The following PDZD2 variants were observed in gnomAD, a reference collection of about 807,000 sequenced individuals.
The protein encoded by PDZD2 is PDZ domain-containing protein 2.
PDZD2 carries 90 observed loss-of-function variants against 220.7 expected under a neutral mutation model. That is an observed-to-expected ratio of 0.41 (90% CI 0.34 to 0.49). The LOEUF (loss-of-function observed/expected upper bound fraction) is 0.49. PDZD2 is among the 20% of genes least tolerant of loss of function. The probability of loss-of-function intolerance (pLI) is 0.28; values close to 1 mark genes in which losing one functional copy is unlikely to be tolerated. For missense variants in PDZD2, 3,174 were observed against 3,608.5 expected (o/e 0.88, Z 3.08); for synonymous variants, 1,375 against 1,450.5 (o/e 0.95, Z 1.18).
rs1272396477 is a variant in PDZD2, at chr5:32,087,381, C to G, written c.3933C>G (p.Thr1311=). Residue 1311 remains threonine, a synonymous_variant, in exon 20 of 25, where the codon ACC becomes ACG. Transcript: ENST00000438447. The surrounding 1 kb of genome is among the most constrained non-coding windows in gnomAD (Gnocchi z 4.0). ...DYSKTRSASE[T]STPHNTRRVA... ...GCAAGACTCGATCAGCATCGGAAAC[C>G]AGCACACCCCACAATACCAGGAGGG... 1.2e-6 allele frequency: 2 copies of G among 1,614,052 alleles called. No homozygotes were observed. The highest frequency in any genetic ancestry group is 2.2e-5 in the South Asian group (2 of 91,070).
intron 1 of PDZD2, among the ~76,000 whole-genome samples, chr5:31,719,614 A>C (rs1334697659): frequency 1.3e-5 from 2 of 152,246 alleles, no homozygotes; most frequent in Non-Finnish European, 2.9e-5. Context: ...TTGGAGAATC[A>C]TTAAGGGAAG....
intron 1 of PDZD2, among the ~76,000 whole-genome samples, chr5:31,675,633 C>T (rs1385632296): frequency 1.3e-5 from 2 of 152,320 alleles, no homozygotes; most frequent in Admixed American, 6.5e-5. Context: ...TCCAGAATCA[C>T]GTGGCCCAAT....
chr5:32,075,975 T>TTAC, intron 18 of PDZD2, among the ~76,000 whole-genome samples: 1 of 152,212 alleles, frequency 6.6e-6, no homozygotes, highest in African/African-American at 2.4e-5. Context: ...GTTTGGCCAT[T>TTAC]GGGTAAATTT....
rs190505029 is a variant in PDZD2, at chr5:31,849,947, T to C, written c.476+50223T>C. On this transcript the variant is annotated intron_variant, in intron 2 of 24. Coordinates refer to ENST00000438447, the MANE Select transcript of PDZD2 (RefSeq NM_178140.4). ...ATATATATATACACATATATATATA[T>C]ACATATATATATATACACATATATA... is the stretch of plus-strand genomic sequence containing the variant. Among the ~76,000 whole-genome samples, 46 of 25,530 alleles carry C rather than the reference T, an allele frequency of 1.8e-3. 10 individuals carry two copies. The highest frequency in any genetic ancestry group is 0.015 in the East Asian group (10 of 664). The allele number at this position is 25,530 out of a possible 152,430, so 16.7% of individuals were successfully genotyped here.
intron 6 of PDZD2, among the ~76,000 whole-genome samples, chr5:32,026,538 TGCGTGC>T (rs1475338546): frequency 6.6e-6 from 1 of 152,186 alleles, no homozygotes; most frequent in Non-Finnish European, 1.5e-5. Flanking sequence ...TGCATGTGTA[TGCGTGC>T]ACGTGCACGC....
chr5:31,943,635 A>C (rs1282970914), intron 2 of PDZD2, among the ~76,000 whole-genome samples: 1 of 152,238 alleles, frequency 6.6e-6, no homozygotes, highest in East Asian at 1.9e-4. Context: ...GCTACGTAGA[A>C]GCCACAAGAC....
intron 2 of PDZD2, among the ~76,000 whole-genome samples, chr5:31,966,595 ACTTAAAAGT>A (rs1293540876): frequency 1.3e-5 from 2 of 152,194 alleles, no homozygotes; most frequent in Non-Finnish European, 2.9e-5. Context: ...AGAATCCAAG[ACTTAAAAGT>A]TGCTCTGTCA....
At chr5:31,715,046 G>A (rs1236466572) in intron 1 of PDZD2, among the ~76,000 whole-genome samples, 9 of 72,530 alleles carry the variant, frequency 1.2e-4, no homozygotes, top group Non-Finnish European at 1.9e-4. Flanking sequence ...GCAACAGAGC[G>A]ACACTCTGTC....
rs370984529 is a variant in PDZD2, at chr5:32,092,898, A to G, written c.7728-9A>G. On this transcript the variant is annotated splice_polypyrimidine_tract_variant and intron_variant, in intron 20 of 24. Coordinates refer to ENST00000438447, the MANE Select transcript of PDZD2 (RefSeq NM_178140.4). ...TTTAATGTTCTTCAAATATATTTAT[A>G]TTATTTAGTTTGGATCAACTTCTAG... is the stretch of plus-strand genomic sequence containing the variant. The G allele has an allele frequency of 4.9e-4, 654 of 1,334,696 alleles. 10 individuals are homozygous for G. The South Asian group carries it at 7.7e-3, about 16-fold the overall frequency. 82.7% of individuals were successfully genotyped at this position (1,334,696 alleles called of 1,614,324 possible).
At chr5:31,656,027 G>A (rs1463970199) in intron 1 of PDZD2, among the ~76,000 whole-genome samples, 2 of 152,184 alleles carry the variant, frequency 1.3e-5, no homozygotes, top group African/African-American at 4.8e-5. Flanking sequence ...ATGAAACCTA[G>A]GCTGAACTTC....
At chr5:32,015,514 A>G (rs1753720687) in intron 6 of PDZD2, among the ~76,000 whole-genome samples, 1 of 152,168 alleles carries the variant, frequency 6.6e-6, no homozygotes, top group Admixed American at 6.5e-5. Context: ...GGCCTCCCAG[A>G]TAGCTGGGAT....
intron 2 of PDZD2, among the ~76,000 whole-genome samples, chr5:31,892,728 C>T (rs1410941938): frequency 1.2e-5 from 1 of 85,324 alleles, no homozygotes; most frequent in Non-Finnish European, 2.1e-5. Flanking sequence ...CCACCACACC[C>T]GGCTAATTTT....
At chr5:31,832,802 CGA>C (rs1561493688) in intron 2 of PDZD2, among the ~76,000 whole-genome samples, 1 of 127,424 alleles carries the variant, frequency 7.8e-6, no homozygotes, top group African/African-American at 2.5e-5. Flanking sequence ...GGTGACAGAG[CGA>C]GACTCTGTCT....
At chr5:31,758,071 C>T (rs1345216659) in intron 1 of PDZD2, among the ~76,000 whole-genome samples, 1 of 152,236 alleles carries the variant, frequency 6.6e-6, no homozygotes, top group Non-Finnish European at 1.5e-5. Context: ...CTGTTTTGTA[C>T]GTCTCGCCTG....
intron 2 of PDZD2, among the ~76,000 whole-genome samples, chr5:31,802,118 G>A (rs1754427787): frequency 6.6e-6 from 1 of 152,174 alleles, no homozygotes; most frequent in Admixed American, 6.5e-5. Flanking sequence ...GTGGTGTGAT[G>A]GAGGGAGCAG....
rs1323033280 is a variant in PDZD2, at chr5:32,010,346, A to C, written c.1271A>C (p.Asp424Ala). ...VVASKENSAE[D>A]LLRLTSKSLP... ...TCCCCATAGGAAAACTCCGCAGAGGACCTCCTCAGGTTAACATCTAAGAGC... is the reference window on the plus strand; with the variant it reads ...TCCCCATAGGAAAACTCCGCAGAGGCCCTCCTCAGGTTAACATCTAAGAGC... Residue 424 changes from aspartate to alanine, a missense_variant, in exon 6 of 25, where the codon GAC becomes GCC. By Grantham distance (126) the Asp-to-Ala change is moderately radical. Coordinates refer to ENST00000438447, the MANE Select transcript of PDZD2 (RefSeq NM_178140.4). 1 of 1,604,138 alleles carries C rather than the reference A, an allele frequency of 6.2e-7. No individual in the cohort carries two copies. Among genetic ancestry groups the C allele is most frequent in the East Asian group, 2.2e-5 (1 of 44,530 alleles).
chr5:32,008,800 A>G (rs1753056423), intron 5 of PDZD2, among the ~76,000 whole-genome samples: 1 of 152,198 alleles, frequency 6.6e-6, no homozygotes, highest in Non-Finnish European at 1.5e-5. Context: ...TAGAGAAGAA[A>G]GGAGAGGCAA....
At chr5:31,977,873 C>G (rs1749924949) in intron 2 of PDZD2, among the ~76,000 whole-genome samples, 1 of 152,190 alleles carries the variant, frequency 6.6e-6, no homozygotes, top group South Asian at 2.1e-4. Context: ...ACTTGGGAGG[C>G]TGAGGCAGGA....
intron 2 of PDZD2, among the ~76,000 whole-genome samples, chr5:31,830,332 A>AT (rs11447724): frequency 0.44 from 53,862 of 123,520 alleles, 12,049 homozygotes; most frequent in Non-Finnish European, 0.49. Context: ...CGCCCAGCTA[A>AT]TTTTTTTTTT....
Sources: allele counts gnomAD v4.1 joint callset (sites outside exome capture counted in the v4.1 genomes callset), GRCh38; gene constraint gnomAD v4.1.1; non-coding constraint Gnocchi (gnomAD v3.1); transcripts MANE v1.5; gene names NCBI Gene and HGNC (gene_info 2026-07-23, HGNC 2026-07-21).